Variants in RIN2 observed in about 807,000 individuals in gnomAD.
RIN2 encodes Ras and Rab interactor 2.
A neutral mutation model predicts 78.0 loss-of-function variants in RIN2; 36 were observed. That is an observed-to-expected ratio of 0.46 (90% CI 0.35 to 0.61). The LOEUF is 0.61. Ranked by LOEUF, RIN2 falls within the 20% of genes least tolerant of loss-of-function variation. The pLI, the probability that RIN2 is intolerant of heterozygous loss-of-function variation, is 0.00. For synonymous variants in RIN2, 466 were observed against 466.8 expected (o/e 1.00, Z 0.02); for missense variants, 1,087 against 1,159.7 (o/e 0.94, Z 0.91).
chr20:19,764,918 G>GTTTTTTGTTTTTTTTTTT (rs2033806296), intron 1 of RIN2, among the ~76,000 whole-genome samples: 1 of 50,362 alleles, frequency 2.0e-5, no homozygotes, highest in African/African-American at 6.5e-5. Flanking sequence ...CACTTTCTGC[G>GTTTTTTGTTTTTTTTTTT]TTTTTTTTTT....
intron 2 of RIN2, among the ~76,000 whole-genome samples, chr20:19,862,869 CT>C (rs2037388639): frequency 6.6e-6 from 1 of 152,184 alleles, no homozygotes; most frequent in South Asian, 2.1e-4. Flanking sequence ...GTTGAATCCC[CT>C]TTCACTGCAA....
chr20:19,979,439 A>C (rs991608552), intron 9 of RIN2, among the ~76,000 whole-genome samples: 3 of 152,190 alleles, frequency 2.0e-5, no homozygotes, highest in Non-Finnish European at 2.9e-5. Context: ...CAATTTCCAC[A>C]TATTTCAAAG....
chr20:19,774,238 C>T (rs2034234476), intron 1 of RIN2, among the ~76,000 whole-genome samples: 1 of 152,072 alleles, frequency 6.6e-6, no homozygotes, highest in African/African-American at 2.4e-5. Context: ...CCCGAGCAGC[C>T]AAGTACCAGT....
intron 1 of RIN2, among the ~76,000 whole-genome samples, chr20:19,786,818 A>G (rs1427606180): frequency 6.6e-6 from 1 of 152,208 alleles, no homozygotes; most frequent in Admixed American, 6.5e-5. Context: ...TTTGGGGAAG[A>G]ATTATATTCC....
rs1198077949 is a variant in RIN2 at position 19,887,170 on chromosome 20, C to T, written c.-36-2396C>T. On this transcript the variant is annotated intron_variant, in intron 2 of 12. Coordinates refer to ENST00000255006, the MANE Select transcript of RIN2 (RefSeq NM_018993.4). Reference sequence around the variant, plus strand: ...TAGCTGGGACTACAGGAGCATGCCACCATGCCCATCTATTTTTTTTTTTTT... The same window carrying T: ...TAGCTGGGACTACAGGAGCATGCCATCATGCCCATCTATTTTTTTTTTTTT... Among the ~76,000 whole-genome samples the T allele has an allele frequency of 2.1e-5, 3 of 144,170 alleles. No individual in the cohort carries two copies. In the Admixed American group the frequency reaches 2.1e-4, roughly 10 times the overall value. The allele number at this position is 144,170 out of a possible 152,430, so 94.6% of individuals were successfully genotyped here.
At chr20:19,814,037 T>C (rs1010503130) in intron 2 of RIN2, among the ~76,000 whole-genome samples, 1 of 152,154 alleles carries the variant, frequency 6.6e-6, no homozygotes, top group Admixed American at 6.5e-5. Flanking sequence ...TAGGTCAGAA[T>C]AGAAAAATAG....
chr20:19,901,280 T>C (rs745762477), intron 3 of RIN2, among the ~76,000 whole-genome samples: 10 of 152,164 alleles, frequency 6.6e-5, no homozygotes, highest in Non-Finnish European at 1.2e-4. Flanking sequence ...GTGTTACTAC[T>C]GGTGTCTTTT....
chr20:19,854,311 T>C (rs369139077), intron 2 of RIN2, among the ~76,000 whole-genome samples: 3 of 152,208 alleles, frequency 2.0e-5, no homozygotes, highest in African/African-American at 4.8e-5. Flanking sequence ...AGTCAGGTAG[T>C]GTGATGCCTC....
chr20:19,919,410 T>C (rs1600800779), intron 3 of RIN2, among the ~76,000 whole-genome samples: 2 of 152,322 alleles, frequency 1.3e-5, no homozygotes, highest in South Asian at 4.1e-4. Context: ...CAAAATGTTA[T>C]CCCTGAAATC....
intron 3 of RIN2, among the ~76,000 whole-genome samples, chr20:19,893,758 G>A (rs2038590621): frequency 6.6e-6 from 1 of 152,124 alleles, no homozygotes; most frequent in Non-Finnish European, 1.5e-5. Context: ...TGGGAAAAGT[G>A]GTATCTTCCT....
At chr20:19,955,494 A>T (rs2041496693) in intron 4 of RIN2, among the ~76,000 whole-genome samples, 1 of 152,034 alleles carries the variant, frequency 6.6e-6, no homozygotes, top group Non-Finnish European at 1.5e-5. Context: ...GCATGACCAC[A>T]CCTGGCTAAT....
At chr20:19,783,744 C>G (rs776308384) in intron 1 of RIN2, among the ~76,000 whole-genome samples, 5 of 152,184 alleles carry the variant, frequency 3.3e-5, no homozygotes, top group Admixed American at 6.5e-5. Context: ...TTACCCCTGC[C>G]GGGAAGCTGA....
At chr20:19,987,709 A>G (rs1005031288) in intron 9 of RIN2, among the ~76,000 whole-genome samples, 1 of 152,232 alleles carries the variant, frequency 6.6e-6, no homozygotes, top group Non-Finnish European at 1.5e-5. Context: ...CAAAGATGCT[A>G]TGAAGTTGCA....
intron 2 of RIN2, among the ~76,000 whole-genome samples, chr20:19,816,519 C>A (rs1906783274): frequency 6.6e-6 from 1 of 152,174 alleles, no homozygotes; most frequent in Non-Finnish European, 1.5e-5. Flanking sequence ...AGATCAAATT[C>A]TGGTTTGATC....
intron 2 of RIN2, among the ~76,000 whole-genome samples, chr20:19,878,880 T>C (rs1452326931): frequency 1.3e-5 from 2 of 152,160 alleles, no homozygotes; most frequent in African/African-American, 4.8e-5. Context: ...ATAGTCTCAA[T>C]GGATAAGAGG....
At chr20:19,893,539 A>G (rs959052795) in intron 3 of RIN2, among the ~76,000 whole-genome samples, 13 of 152,276 alleles carry the variant, frequency 8.5e-5, no homozygotes, top group African/African-American at 3.1e-4. Flanking sequence ...GTGGTTTCCC[A>G]TCTGTCCTGG....
At chr20:19,785,658 G>T (rs1309313389) in intron 1 of RIN2, among the ~76,000 whole-genome samples, 3 of 152,156 alleles carry the variant, frequency 2.0e-5, no homozygotes, top group African/African-American at 7.2e-5. Flanking sequence ...GCCAATGTTG[G>T]CTATCATTTT....
At chr20:19,969,902 T>G (rs914481820) in intron 7 of RIN2, among the ~76,000 whole-genome samples, 12 of 147,764 alleles carry the variant, frequency 8.1e-5, no homozygotes, top group African/African-American at 3.0e-4. Flanking sequence ...AATTCACCAG[T>G]GCTTAGAGCA....
At chr20:19,778,404 G>A (rs1172653388) in intron 1 of RIN2, among the ~76,000 whole-genome samples, 4 of 152,232 alleles carry the variant, frequency 2.6e-5, no homozygotes, top group African/African-American at 9.6e-5. Flanking sequence ...AGTTGTGTGT[G>A]AGGCACTGTG....
Sources: allele counts gnomAD v4.1 joint callset (sites outside exome capture counted in the v4.1 genomes callset), GRCh38; gene constraint gnomAD v4.1.1; transcripts MANE v1.5; gene names NCBI Gene and HGNC (gene_info 2026-07-23, HGNC 2026-07-21).